LSAMP: variants seen among roughly 807,000 people sequenced by gnomAD.
The protein encoded by LSAMP is limbic system associated membrane protein, also known as limbic system-associated membrane protein.
In LSAMP, 7 loss-of-function variants were observed where a neutral mutation model predicts 38.6. The ratio of observed to expected loss-of-function variants is 0.18; its 90% CI spans 0.10 to 0.34. LSAMP has a LOEUF of 0.34. LSAMP is among the 10% of genes least tolerant of loss of function. The probability of loss-of-function intolerance (pLI) is 1.00; values close to 1 mark genes in which losing one functional copy is unlikely to be tolerated. For synonymous variants in LSAMP, 154 were observed against 166.8 expected (o/e 0.92, Z 0.59); for missense variants, 313 against 420.0 (o/e 0.75, Z 2.23).
At chr3:116,192,856 C>T (rs530688681) in intron 1 of LSAMP, among the ~76,000 whole-genome samples, 1 of 152,204 alleles carries the variant, frequency 6.6e-6, no homozygotes, top group Admixed American at 6.5e-5. Context: ...GATCAGGGAG[C>T]TATTCATGAC....
At position 115,841,957 on chromosome 3, in the gene LSAMP, C is replaced by T. The variant is rs756485216; in HGVS notation, c.807G>A (p.Thr269=). Residue 269 remains threonine (T), a synonymous_variant, in exon 6 of 7, where the codon ACG becomes ACA. Transcript: ENST00000490035. ...NSANGLEIKS[T]EGQSSLTVTN... ...TCACCGTCAGGGAAGACTGGCCCTC[C>T]GTGCTCTTAATCTCAAGGCCATTGG... 6.4e-5 allele frequency: 103 copies of T among 1,613,540 alleles called. No homozygotes were observed. Among genetic ancestry groups the T allele is most frequent in the Non-Finnish European group, 7.1e-5 (84 of 1,179,994 alleles).
At chr3:115,938,474 C>T (rs1937785732) in intron 3 of LSAMP, among the ~76,000 whole-genome samples, 1 of 152,060 alleles carries the variant, frequency 6.6e-6, no homozygotes, top group Admixed American at 6.6e-5. Flanking sequence ...AAAAGTCAAG[C>T]ATCATATTTA....
intron 1 of LSAMP, among the ~76,000 whole-genome samples, chr3:116,206,062 T>C (rs1163649936): frequency 6.6e-6 from 1 of 151,936 alleles, no homozygotes; most frequent in Non-Finnish European, 1.5e-5. Context: ...AAACTATTGA[T>C]TATTGCCACA....
intron 3 of LSAMP, among the ~76,000 whole-genome samples, chr3:115,987,317 C>G (rs763058694): frequency 6.6e-6 from 1 of 152,128 alleles, no homozygotes; most frequent in Non-Finnish European, 1.5e-5. Context: ...GAGCTAGTGC[C>G]TTTCCTGTTC....
At chr3:116,425,841 A>T (rs1221150082) in intron 1 of LSAMP, among the ~76,000 whole-genome samples, 3 of 150,224 alleles carry the variant, frequency 2.0e-5, no homozygotes, top group Non-Finnish European at 4.4e-5. Flanking sequence ...AATTTAGGTA[A>T]ATAGATGGGA....
At chr3:116,021,537 T>C (rs1940637704) in intron 2 of LSAMP, among the ~76,000 whole-genome samples, 1 of 152,170 alleles carries the variant, frequency 6.6e-6, no homozygotes, top group Non-Finnish European at 1.5e-5. Context: ...GAACATAATG[T>C]GGACATACTA....
intron 1 of LSAMP, among the ~76,000 whole-genome samples, chr3:116,241,845 T>C (rs1052343811): frequency 5.3e-5 from 8 of 152,194 alleles, no homozygotes; most frequent in African/African-American, 1.7e-4. Context: ...CTATCACTGT[T>C]AGAGAAAGAA....
intron 3 of LSAMP, among the ~76,000 whole-genome samples, chr3:116,016,184 A>AT (rs1372896751): frequency 1.4e-4 from 22 of 152,142 alleles, no homozygotes; most frequent in African/African-American, 7.2e-5. Flanking sequence ...TTTGAAAGAA[A>AT]TTTTTAAAAA....
intron 1 of LSAMP, among the ~76,000 whole-genome samples, chr3:116,143,689 T>C (rs1355785542): frequency 1.3e-5 from 2 of 151,994 alleles, no homozygotes; most frequent in Non-Finnish European, 2.9e-5. Context: ...ACTTGATTAT[T>C]CATTGTGTAT....
intron 1 of LSAMP, among the ~76,000 whole-genome samples, chr3:116,148,383 T>A (rs902454665): frequency 6.6e-6 from 1 of 151,942 alleles, no homozygotes; most frequent in African/African-American, 2.4e-5. Flanking sequence ...AGCAAAGAGC[T>A]CAAATCAGCA....
Position 116,288,006 on chromosome 3 carries a change from T to C in LSAMP, c.155+156871A>G, listed in dbSNP as rs78902047. ...AAGAGGACAGAGAGTGCTGCCTCTA[T>C]AGAAGGGAGGCAAAAAGATTTAAAA... On this transcript the variant is annotated intron_variant, in intron 1 of 6. Transcript: ENST00000490035. Among the ~76,000 whole-genome samples, 1,092 of 152,278 alleles carry C rather than the reference T, an allele frequency of 7.2e-3. 9 individuals carry two copies. The highest frequency in any genetic ancestry group is 0.025 in the African/African-American group (1,023 of 41,562).
chr3:116,347,251 A>G (rs1050870250), intron 1 of LSAMP, among the ~76,000 whole-genome samples: 1 of 152,174 alleles, frequency 6.6e-6, no homozygotes, highest in African/African-American at 2.4e-5. Context: ...GTGAGGGCCA[A>G]CCTTTTGCTT....
chr3:116,070,172 T>C (rs2107378770), intron 2 of LSAMP, among the ~76,000 whole-genome samples: 1 of 152,234 alleles, frequency 6.6e-6, no homozygotes, highest in African/African-American at 2.4e-5. Context: ...GAAGGCTGGC[T>C]CTTTAAAAAG....
chr3:115,971,417 A>C (rs1488678781), intron 3 of LSAMP, among the ~76,000 whole-genome samples: 1 of 152,196 alleles, frequency 6.6e-6, no homozygotes, highest in Non-Finnish European at 1.5e-5. Context: ...AAAAGCCCAC[A>C]AGGAAAATAC....
intron 1 of LSAMP, among the ~76,000 whole-genome samples, chr3:116,381,576 A>G (rs1285791243): frequency 6.6e-6 from 1 of 152,142 alleles, no homozygotes; most frequent in Non-Finnish European, 1.5e-5. Flanking sequence ...TCAATTTTAG[A>G]ATTACTTTTC....
chr3:116,002,741 C>A (rs1402774920), intron 3 of LSAMP, among the ~76,000 whole-genome samples: 2 of 152,120 alleles, frequency 1.3e-5, no homozygotes. Context: ...CTCTGCTAAC[C>A]TTTTGCCCTC....
intron 1 of LSAMP, among the ~76,000 whole-genome samples, chr3:116,177,192 T>G (rs1710368063): frequency 6.6e-6 from 1 of 152,136 alleles, no homozygotes; most frequent in Non-Finnish European, 1.5e-5. Flanking sequence ...AGTGCTTGTG[T>G]GCTTCTGTTA....
chr3:116,135,173 G>T (rs1047021879), intron 1 of LSAMP, among the ~76,000 whole-genome samples: 1 of 152,060 alleles, frequency 6.6e-6, no homozygotes, highest in African/African-American at 2.4e-5. Context: ...GGCAACACTA[G>T]GATTCAAATC....
rs776691646 is a variant in LSAMP at position 115,803,109 on chromosome 3, T to C, written c.*7208A>G. The C allele has an allele frequency of 1.3e-5, 2 of 150,770 alleles. No homozygotes were observed. Among genetic ancestry groups the C allele is most frequent in the Non-Finnish European group, 2.9e-5 (2 of 68,028 alleles). 9.3% of individuals were successfully genotyped at this position (150,770 alleles called of 1,614,324 possible). ...TATTTGTACTGTGCCTGGCTTTACATAGGGAGGATTGTGCAGAGTAGAATG... is the reference window on the plus strand; with the variant it reads ...TATTTGTACTGTGCCTGGCTTTACACAGGGAGGATTGTGCAGAGTAGAATG... On this transcript the variant is annotated 3_prime_UTR_variant, in exon 7 of 7. Transcript: ENST00000490035.
Sources: gnomAD v4.1 joint callset for allele counts (sites outside exome capture counted in the v4.1 genomes callset) on GRCh38, gnomAD v4.1.1 for gene constraint, MANE v1.5 for transcripts, NCBI Gene and HGNC (gene_info 2026-07-23, HGNC 2026-07-21) for gene names.